Variants in PRR14L observed in about 807,000 individuals in gnomAD.
PRR14L encodes the protein protein PRR14L.
PRR14L carries 80 observed loss-of-function variants against 155.0 expected under a neutral mutation model. That is an observed-to-expected ratio of 0.52 (90% CI 0.43 to 0.62). The LOEUF (loss-of-function observed/expected upper bound fraction) is 0.62, where lower values mean the gene tolerates loss of function less well. Ranked by LOEUF, PRR14L falls within the 20% of genes least tolerant of loss-of-function variation. The pLI, the probability that PRR14L is intolerant of heterozygous loss-of-function variation, is 0.00. For synonymous variants in PRR14L, 883 were observed against 916.0 expected (o/e 0.96, Z 0.65); for missense variants, 2,469 against 2,548.0 (o/e 0.97, Z 0.67).
chr22:31,699,213 T>C (rs2074551072), intron 7 of PRR14L, among the ~76,000 whole-genome samples: 1 of 152,016 alleles, frequency 6.6e-6, no homozygotes, highest in East Asian at 1.9e-4. Flanking sequence ...AAGTTTTGTA[T>C]TTTTAGTAGA....
At chr22:31,743,599 C>T (rs1410826465) in intron 1 of PRR14L, among the ~76,000 whole-genome samples, 1 of 151,906 alleles carries the variant, frequency 6.6e-6, no homozygotes, top group Admixed American at 6.6e-5. Context: ...TCAGGAGTTC[C>T]AGACCAGAAT....
Position 31,713,379 on chromosome 22 carries a change from C to A in PRR14L, c.4460G>T (p.Cys1487Phe). 1.3e-6 allele frequency: 2 copies of A among 1,552,056 alleles called. No individual in the cohort carries two copies. Among genetic ancestry groups the A allele is most frequent in the Non-Finnish European group, 1.7e-6 (2 of 1,147,078 alleles). Residue 1487 changes from cysteine (C) to phenylalanine (F), a missense_variant, in exon 4 of 9, where the codon TGC becomes TTC. Physicochemically the swap from Cys to Phe is radical, Grantham distance 205 (BLOSUM62 -2). Coordinates refer to ENST00000327423, the MANE Select transcript of PRR14L (RefSeq NM_173566.3). ...TGCTTTCCGAGGGGCACCAAGAAGG[C>A]AAGGACTTGTGCATGACTCAGTGTC... ...RKDTESCTSP[C>F]LLGAPRKAQD...
intron 1 of PRR14L, among the ~76,000 whole-genome samples, chr22:31,746,346 G>A (rs571478940): frequency 6.6e-6 from 1 of 152,112 alleles, no homozygotes; most frequent in East Asian, 1.9e-4. Flanking sequence ...TTATCAGTAT[G>A]TTTTATCAGT....
In PRR14L at chr22:31,712,960, C is replaced by A; in HGVS notation, c.4879G>T (p.Ala1627Ser). 6.4e-7 allele frequency: 1 copy of A among 1,551,720 alleles called. No homozygotes were observed. ...NKLSILASKL[A>S]PAMKTQKLRY... ...AGCTTCTGAGTCTTCATGGCTGGGG[C>A]CAGTTTGGAGGCAAGGATGGACAGC... is the stretch of plus-strand genomic sequence containing the variant. The change falls in exon 4 of 9, where the codon GCC becomes TCC. Residue 1627 changes from alanine (A) to serine (S), a missense_variant. Physicochemically the swap from Ala to Ser is moderately conservative, Grantham distance 99. This residue lies in a region of PRR14L where 2,363 missense variants were observed against 2,371.6 expected (regional missense o/e 1.00). Transcript: ENST00000327423.
rs1454168459 is a variant in PRR14L, at chr22:31,683,329, AGCTGGCAAACAGG to A, written c.*2185_*2197del. 3 of 152,282 alleles carry A rather than the reference AGCTGGCAAACAGG, an allele frequency of 2.0e-5. No homozygotes were observed. Among genetic ancestry groups the A allele is most frequent in the Non-Finnish European group, 4.4e-5 (3 of 68,074 alleles). 9.4% of individuals were successfully genotyped at this position (152,282 alleles called of 1,614,324 possible). ...ATCACTGCATCTATACTGGCAACAG[AGCTGGCAAACAGG>A]GCTCTGTTGACTCACTGCTAGTCTG... On this transcript the variant is annotated 3_prime_UTR_variant, in exon 9 of 9. Transcript: ENST00000327423.
chr22:31,716,156 T>C lies in PRR14L; in HGVS notation c.1683A>G (p.Ser561=). The change falls in exon 4 of 9, where the codon TCA becomes TCG. Residue 561 remains serine (S), a synonymous_variant. Coordinates refer to ENST00000327423, the MANE Select transcript of PRR14L (RefSeq NM_173566.3). ...TTCTTTCAAACAGAAAATCATTACA[T>C]GATGCTTCATTTAACTGGGTGTTGC... ...LEGNTQLNEA[S]CNDFLFERKS... 1 of 1,551,464 alleles carries C rather than the reference T, an allele frequency of 6.4e-7. No individual in the cohort carries two copies. Among genetic ancestry groups the C allele is most frequent in the Non-Finnish European group, 8.7e-7 (1 of 1,146,844 alleles).
chr22:31,718,341 C>T (rs1333729891), intron 3 of PRR14L, among the ~76,000 whole-genome samples: 2 of 151,944 alleles, frequency 1.3e-5, no homozygotes, highest in Non-Finnish European at 2.9e-5. Flanking sequence ...CTGCAACCTC[C>T]GCCTCCCGGG....
At chr22:31,732,748 A>G (rs2074756934) in intron 2 of PRR14L, among the ~76,000 whole-genome samples, 1 of 152,168 alleles carries the variant, frequency 6.6e-6, no homozygotes, top group Admixed American at 6.5e-5. Context: ...AGCAACTCTG[A>G]AAACCTGCTG....
intron 1 of PRR14L, among the ~76,000 whole-genome samples, chr22:31,747,031 C>T (rs1368428379): frequency 5.3e-5 from 8 of 152,118 alleles, no homozygotes; most frequent in African/African-American, 1.9e-4. Context: ...GTCTTGATCT[C>T]CTGACCTTGT....
intron 7 of PRR14L, among the ~76,000 whole-genome samples, chr22:31,696,602 T>G (rs1344346017): frequency 2.0e-5 from 3 of 152,204 alleles, no homozygotes; most frequent in African/African-American, 7.2e-5. Flanking sequence ...GTGATACATC[T>G]AAGAAGTGTC....
rs371542869 is a variant in PRR14L at position 31,715,794 on chromosome 22, G to C, written c.2045C>G (p.Thr682Arg). Residue 682 changes from threonine (T) to arginine (R), a missense_variant, in exon 4 of 9, where the codon ACA (threonine) becomes AGA (arginine). Physicochemically the swap from Thr to Arg is moderately conservative, Grantham distance 71. Transcript: ENST00000327423. ...ATGGCTCTGATGGGCATCTCTGCCTGTTGCTAAAGGCATCTCTTTGTTTAA... is the reference window on the plus strand; with the variant it reads ...ATGGCTCTGATGGGCATCTCTGCCTCTTGCTAAAGGCATCTCTTTGTTTAA... The part of the protein sequence containing the change: ...LHLNKEMPLA[T>R]GRDAHQSHHP... The C allele has an allele frequency of 6.4e-7, 1 of 1,551,654 alleles. No homozygotes were observed.
chr22:31,687,036 TTTTTTC>T (rs928990604), intron 8 of PRR14L, among the ~76,000 whole-genome samples: 77 of 152,242 alleles, frequency 5.1e-4, no homozygotes, highest in African/African-American at 1.8e-3. Flanking sequence ...TTTATACTTC[TTTTTTC>T]TTTTTCATTT....
intron 1 of PRR14L, among the ~76,000 whole-genome samples, chr22:31,748,745 ACCT>A (rs2074854369): frequency 6.6e-6 from 1 of 152,188 alleles, no homozygotes; most frequent in East Asian, 1.9e-4. Context: ...AAGAAGTGAT[ACCT>A]TCTGTGGACA....
chr22:31,715,809 T>C lies in PRR14L; in HGVS notation c.2030A>G (p.Glu677Gly). 6.4e-7 allele frequency: 1 copy of C among 1,551,800 alleles called. No individual in the cohort carries two copies. Among genetic ancestry groups the C allele is most frequent in the South Asian group, 1.2e-5 (1 of 84,048 alleles). ...PTDSLLHLNK[E>G]MPLATGRDAH... is the part of the protein sequence containing the mutation. Reference sequence around the variant, plus strand: ...ATCTCTGCCTGTTGCTAAAGGCATCTCTTTGTTTAAATGCAGTAGAGAGTC... The same window carrying C: ...ATCTCTGCCTGTTGCTAAAGGCATCCCTTTGTTTAAATGCAGTAGAGAGTC... Residue 677 changes from glutamate to glycine, a missense_variant, in exon 4 of 9, where the codon GAG becomes GGG. This residue lies in a region of PRR14L where 2,363 missense variants were observed against 2,371.6 expected (regional missense o/e 1.00). Transcript: ENST00000327423.
chr22:31,709,852 C>A (rs1039930240), intron 4 of PRR14L, among the ~76,000 whole-genome samples: 1 of 150,884 alleles, frequency 6.6e-6, no homozygotes, highest in Non-Finnish European at 1.5e-5. Context: ...CCAGGATGGT[C>A]TCGATCTCTT....
intron 2 of PRR14L, among the ~76,000 whole-genome samples, chr22:31,726,413 G>C (rs748162397): frequency 2.0e-5 from 3 of 151,940 alleles, no homozygotes; most frequent in African/African-American, 4.8e-5. Flanking sequence ...CTACATGCGT[G>C]ATCCACTGTG....
intron 7 of PRR14L, among the ~76,000 whole-genome samples, chr22:31,700,538 T>C (rs1045325349): frequency 5.9e-5 from 9 of 152,360 alleles, no homozygotes; most frequent in African/African-American, 1.9e-4. Context: ...GTACACATTC[T>C]TTTCTCAATT....
intron 4 of PRR14L, among the ~76,000 whole-genome samples, chr22:31,706,098 G>A (rs1175051102): frequency 6.6e-6 from 1 of 151,982 alleles, no homozygotes; most frequent in East Asian, 1.9e-4. Context: ...TGGGGAGGCT[G>A]AGGCGGGTGG....
At chr22:31,747,817 A>C (rs1010243050) in intron 1 of PRR14L, among the ~76,000 whole-genome samples, 17 of 151,726 alleles carry the variant, frequency 1.1e-4, no homozygotes, top group Admixed American at 7.2e-4. Context: ...CCAAAAAAAA[A>C]AAAAAACAAA....
Sources: allele counts gnomAD v4.1 joint callset (sites outside exome capture counted in the v4.1 genomes callset), GRCh38; gene constraint gnomAD v4.1.1; regional missense constraint gnomAD v4.1.1; transcripts MANE v1.5; gene names NCBI Gene and HGNC (gene_info 2026-07-23, HGNC 2026-07-21).